The following CARF variants were observed in gnomAD, a reference collection of about 807,000 sequenced individuals.
The protein encoded by CARF is calcium-responsive transcription factor.
CARF carries 57 observed loss-of-function variants against 82.0 expected under a neutral mutation model. The ratio of observed to expected loss-of-function variants is 0.70; its 90% CI spans 0.56 to 0.87. The LOEUF (loss-of-function observed/expected upper bound fraction) is 0.87, where lower values mean the gene tolerates loss of function less well. Among genes scored for constraint, CARF ranks in the 40% least tolerant of loss-of-function variants. The pLI, the probability that CARF is intolerant of heterozygous loss-of-function variation, is 0.00. For missense variants in CARF, 771 were observed against 855.8 expected (o/e 0.90, Z 1.24); for synonymous variants, 268 against 290.1 (o/e 0.92, Z 0.77).
chr2:202,915,016 T>C (rs575583911), intron 1 of CARF, among the ~76,000 whole-genome samples: 1 of 152,092 alleles, frequency 6.6e-6, no homozygotes, highest in East Asian at 1.9e-4. Flanking sequence ...TTTGTTGTTT[T>C]GTTTTTGGTT....
rs2058898891 is a variant in CARF at position 202,954,028 on chromosome 2, A to G, written c.451A>G (p.Asn151Asp). Residue 151 changes from asparagine to aspartate, a missense_variant, in exon 7 of 17, where the codon AAC becomes GAC. Transcript: ENST00000438828. ...AGATGTCCCTGAAGAGAAACCCAGT[A>G]ACAGAAACTTACCAACTGTAAGAGT... ...PRDVPEEKPSNRNLPTVRVDT... is the reference protein window; with the variant it reads ...PRDVPEEKPSDRNLPTVRVDT... 1 of 1,609,022 alleles carries G rather than the reference A, an allele frequency of 6.2e-7. No individual in the cohort carries two copies. Among genetic ancestry groups the G allele is most frequent in the African/African-American group, 1.3e-5 (1 of 74,698 alleles).
At position 202,961,417 on chromosome 2, in the gene CARF, G is replaced by A; in HGVS notation, c.823G>A (p.Val275Ile). The A allele has an allele frequency of 6.2e-7, 1 of 1,613,722 alleles. No individual in the cohort carries two copies. The highest frequency in any genetic ancestry group is 8.5e-7 in the Non-Finnish European group (1 of 1,179,614). The change falls in exon 9 of 17, where the codon GTT becomes ATT. Residue 275 changes from valine (V) to isoleucine (I), a missense_variant. Physicochemically the swap from Val to Ile is conservative, Grantham distance 29. Transcript: ENST00000438828. ...QYVPYDGIPF[V>I]NAGSRAVVME... ...TGTTCCATATGATGGAATCCCATTT[G>A]TTAATGCAGGTACTTTTTTAAAGAA...
chr2:202,927,471 TG>T (rs1422002891), intron 3 of CARF, among the ~76,000 whole-genome samples: 2 of 152,216 alleles, frequency 1.3e-5, no homozygotes, highest in African/African-American at 4.8e-5. Context: ...ATACTTTTTT[TG>T]TGGTGAGAAT....
At position 202,918,843 on chromosome 2, in the gene CARF, G is replaced by C. The variant is rs74692106; in HGVS notation, c.-163+800G>C. On this transcript the variant is annotated intron_variant, in intron 2 of 16. Coordinates refer to ENST00000438828, the MANE Select transcript of CARF (RefSeq NM_024744.17). ...TCATCATATTAAAACCAACTTTTCC[G>C]TATAGAAACTACTTTAATATTTTCT... Among the ~76,000 whole-genome samples, 75 of 152,168 alleles carry C rather than the reference G, an allele frequency of 4.9e-4. 1 individual carries two copies. The East Asian group carries it at 0.014, about 28-fold the overall frequency.
intron 6 of CARF, among the ~76,000 whole-genome samples, chr2:202,953,733 A>G (rs2058882356): frequency 6.6e-6 from 1 of 151,972 alleles, no homozygotes. Context: ...ATTTTCCTAT[A>G]TATTGCAGAA....
At chr2:202,976,473 C>T (rs2060033472) in intron 13 of CARF, among the ~76,000 whole-genome samples, 1 of 152,084 alleles carries the variant, frequency 6.6e-6, no homozygotes, top group Admixed American at 6.6e-5. Context: ...CACACCCGAC[C>T]TTAACTCATA....
At chr2:202,980,374 T>C (rs2060198416) in intron 14 of CARF, among the ~76,000 whole-genome samples, 2 of 151,868 alleles carry the variant, frequency 1.3e-5, no homozygotes, top group African/African-American at 2.4e-5. Context: ...ACTAAGAAAA[T>C]AGAGTTTTTA....
rs2058383078 is a variant in CARF at position 202,944,284 on chromosome 2, T to C, written c.306+1317T>C. Among the ~76,000 whole-genome samples the C allele has an allele frequency of 2.0e-5, 3 of 152,358 alleles. No individual in the cohort carries two copies. The South Asian group carries it at 6.2e-4, about 32-fold the overall frequency. ...TAAGTTGCTCTCTGGTTATTTAGAA[T>C]ATACTTAACATAAGTAATACTGTGA... On this transcript the variant is annotated intron_variant, in intron 5 of 16. Coordinates refer to ENST00000438828, the MANE Select transcript of CARF (RefSeq NM_024744.17).
intron 3 of CARF, among the ~76,000 whole-genome samples, chr2:202,926,989 T>TA (rs1553551509): frequency 2.0e-5 from 3 of 152,062 alleles, no homozygotes; most frequent in Non-Finnish European, 4.4e-5. Context: ...AATTTTTATA[T>TA]TTTTTTGTAG....
At position 202,943,941 on chromosome 2, in the gene CARF, C is replaced by T. The variant is rs560450114; in HGVS notation, c.306+974C>T. Among the ~76,000 whole-genome samples, 40 of 152,290 alleles carry T rather than the reference C, an allele frequency of 2.6e-4. No homozygotes were observed. In the South Asian group the frequency reaches 2.7e-3, roughly 10 times the overall value. The stretch of plus-strand genomic sequence containing the variant: ...GATTACAGGCATGAGCCACCACGCC[C>T]GGCCTAAACTCCTGTTTTTGATTTA... On this transcript the variant is annotated intron_variant, in intron 5 of 16. Transcript: ENST00000438828.
intron 5 of CARF, among the ~76,000 whole-genome samples, chr2:202,948,753 A>G: frequency 6.6e-6 from 1 of 152,204 alleles, no homozygotes; most frequent in Non-Finnish European, 1.5e-5. Context: ...TGGACGGAGA[A>G]TATGGGGTTT....
At position 202,942,895 on chromosome 2, in the gene CARF, C is replaced by G; in HGVS notation, c.234C>G (p.Phe78Leu). ...TQTQTLSAEQ[F>L]HLVDQNGQAI... is the part of the protein sequence containing the mutation. ...CACAGACTCTTTCTGCAGAGCAATTCCATCTAGTGGACCAAAATGGGCAGG... is the reference window on the plus strand; with the variant it reads ...CACAGACTCTTTCTGCAGAGCAATTGCATCTAGTGGACCAAAATGGGCAGG... The change falls in exon 5 of 17, where the codon TTC (phenylalanine) becomes TTG (leucine). Residue 78 changes from phenylalanine (F) to leucine (L), a missense_variant. By Grantham distance (22) the Phe-to-Leu change is conservative. Coordinates refer to ENST00000438828, the MANE Select transcript of CARF (RefSeq NM_024744.17). 6.2e-7 allele frequency: 1 copy of G among 1,614,082 alleles called. No homozygotes were observed. Among genetic ancestry groups the G allele is most frequent in the Non-Finnish European group, 8.5e-7 (1 of 1,180,012 alleles).
intron 12 of CARF, among the ~76,000 whole-genome samples, chr2:202,972,183 A>G (rs1186789008): frequency 1.3e-5 from 2 of 152,000 alleles, no homozygotes; most frequent in African/African-American, 2.4e-5. Flanking sequence ...ACTCTGGTCT[A>G]AGTTTTTTGA....
intron 1 of CARF, among the ~76,000 whole-genome samples, chr2:202,915,863 C>G (rs1689539922): frequency 6.6e-6 from 1 of 152,100 alleles, no homozygotes; most frequent in South Asian, 2.1e-4. Flanking sequence ...CCACTTTAGA[C>G]TCCCAAAGCG....
At chr2:202,951,592 TC>T (rs35766918) in intron 5 of CARF, among the ~76,000 whole-genome samples, 1 of 152,122 alleles carries the variant, frequency 6.6e-6, no homozygotes, top group African/African-American at 2.4e-5. Flanking sequence ...TAGCTATACT[TC>T]CAAATGATAG....
intron 15 of CARF, 80 bp from the exon 16 acceptor site, chr2:202,981,992 G>A: frequency 7.1e-7 from 1 of 1,415,272 alleles, no homozygotes; most frequent in African/African-American, 1.5e-5. Flanking sequence ...CGGATTTTTT[G>A]TCAAAAGAAT....
At chr2:202,973,577 T>C in intron 12 of CARF, 1 of 344,350 alleles carries the variant, frequency 2.9e-6, no homozygotes, top group Non-Finnish European at 5.6e-6. Flanking sequence ...AGCTCTCTTA[T>C]TTACTAGGTA....
rs1440225242 is a variant in CARF at position 202,976,087 on chromosome 2, A to ATC, written c.1495-1182_1495-1181insTC. 3.1e-3 allele frequency among the ~76,000 whole-genome samples: 463 copies of ATC among 150,756 alleles called. 1 individual carries two copies. Among genetic ancestry groups the ATC allele is most frequent in the Middle Eastern group, 0.01 (3 of 292 alleles). ...TCCATCTATCCATCCATCCATCCAT[A>ATC]CATACATACATACATACAGTTCTTC... is the stretch of plus-strand genomic sequence containing the variant. On this transcript the variant is annotated intron_variant, in intron 13 of 16. Transcript: ENST00000438828.
At chr2:202,948,083 A>G (rs1400570595) in intron 5 of CARF, among the ~76,000 whole-genome samples, 6 of 152,064 alleles carry the variant, frequency 3.9e-5, no homozygotes, top group Non-Finnish European at 5.9e-5. Flanking sequence ...CTAACCTGTA[A>G]TCCTGGCACC....
Sources: gnomAD v4.1 joint callset for allele counts (sites outside exome capture counted in the v4.1 genomes callset) on GRCh38, gnomAD v4.1.1 for gene constraint, MANE v1.5 for transcripts, NCBI Gene and HGNC (gene_info 2026-07-23, HGNC 2026-07-21) for gene names.